The following TMPRSS6 variants were observed in gnomAD, a reference collection of about 807,000 sequenced individuals.
The protein encoded by TMPRSS6 is transmembrane protease serine 6.
In TMPRSS6, 67 loss-of-function variants were observed where a neutral mutation model predicts 101.5. That is an observed-to-expected ratio of 0.66 (90% CI 0.54 to 0.81). The LOEUF is 0.81. TMPRSS6 is among the 30% of genes least tolerant of loss of function. The pLI, the probability that TMPRSS6 is intolerant of heterozygous loss-of-function variation, is 0.00. For missense variants in TMPRSS6, 1,034 were observed against 1,088.7 expected (o/e 0.95, Z 0.71); for synonymous variants, 453 against 464.9 (o/e 0.97, Z 0.33).
At chr22:37,094,816 G>A (rs1469871874) in intron 6 of TMPRSS6, among the ~76,000 whole-genome samples, 1 of 152,200 alleles carries the variant, frequency 6.6e-6, no homozygotes, top group Non-Finnish European at 1.5e-5. Context: ...TCCCTGAGAA[G>A]GGGTTGAGAC....
At position 37,108,736 on chromosome 22, in the gene TMPRSS6, T is replaced by C. The variant is rs1422000811; in HGVS notation, c.-2+767A>G. Among the ~76,000 whole-genome samples the C allele has an allele frequency of 2.0e-5, 3 of 152,244 alleles. No homozygotes were observed. The East Asian group carries it at 5.8e-4, about 29-fold the overall frequency. ...TACTTTGCTGACTCTATTTAATGGC[T>C]GGGGAAACTGAGGTAGAGAGAGGTA... is the stretch of plus-strand genomic sequence containing the variant. On this transcript the variant is annotated intron_variant, in intron 1 of 17. Coordinates refer to ENST00000676104, the MANE Select transcript of TMPRSS6 (RefSeq NM_001374504.1).
chr22:37,094,982 CTG>C (rs1384446690), intron 6 of TMPRSS6, among the ~76,000 whole-genome samples: 1 of 152,158 alleles, frequency 6.6e-6, no homozygotes, highest in African/African-American at 2.4e-5. Flanking sequence ...AGCGTGGTGA[CTG>C]TGCTGGTCAG....
chr22:37,097,034 A>C (rs926534488), intron 3 of TMPRSS6, among the ~76,000 whole-genome samples: 3 of 151,840 alleles, frequency 2.0e-5, no homozygotes, highest in Non-Finnish European at 4.4e-5. Flanking sequence ...TCCCCTCTGC[A>C]CCTCCTCCCA....
chr22:37,071,320 A>C (rs1926882801), intron 13 of TMPRSS6, among the ~76,000 whole-genome samples: 1 of 152,074 alleles, frequency 6.6e-6, no homozygotes, highest in Admixed American at 6.5e-5. Flanking sequence ...ACTTGAAGGC[A>C]GAACTGTGCC....
At position 37,075,386 on chromosome 22, in the gene TMPRSS6, C is replaced by T. The variant is rs1007296093; in HGVS notation, c.1197-106G>A. On this transcript the variant is annotated intron_variant, in intron 10 of 17. Coordinates refer to ENST00000676104, the MANE Select transcript of TMPRSS6 (RefSeq NM_001374504.1). ...CCAGAGGGGCAGGGGGAGCTGCACG[C>T]CCGCTGTGCCTCCTCTGCCCTGATT... 2.8e-6 allele frequency: 4 copies of T among 1,448,634 alleles called. No homozygotes were observed. In the African/African-American group the frequency reaches 5.6e-5, roughly 20 times the overall value. 89.7% of individuals were successfully genotyped at this position (1,448,634 alleles called of 1,614,324 possible). A position where few individuals can be genotyped will look rare whatever the true frequency, so the allele number is the denominator to read the frequency against.
intron 2 of TMPRSS6, among the ~76,000 whole-genome samples, chr22:37,098,995 C>G (rs912485628): frequency 3.9e-5 from 6 of 152,244 alleles, no homozygotes; most frequent in African/African-American, 1.4e-4. Context: ...TTAACCAAGA[C>G]AGATGTGCCT....
chr22:37,101,887 C>G lies in TMPRSS6; in HGVS notation c.202+1329G>C, dbSNP rs1930343449. ...GGAGGCCCCCACAGCCCTGTGCTATCTGGGGCACTGGCTTCCTGCTGGTGG... is the reference window on the plus strand; with the variant it reads ...GGAGGCCCCCACAGCCCTGTGCTATGTGGGGCACTGGCTTCCTGCTGGTGG... On this transcript the variant is annotated intron_variant, in intron 2 of 17. Transcript: ENST00000676104. The surrounding 1 kb of genome is among the most constrained non-coding windows in gnomAD (Gnocchi z 4.1). Among the ~76,000 whole-genome samples the G allele has an allele frequency of 6.6e-6, 1 of 152,206 alleles. No individual in the cohort carries two copies. Among genetic ancestry groups the G allele is most frequent in the African/African-American group, 2.4e-5 (1 of 41,424 alleles).
intron 9 of TMPRSS6, 130 bp downstream of exon 9, chr22:37,084,597 T>G (rs1928544145): frequency 2.3e-6 from 2 of 876,864 alleles, no homozygotes; most frequent in African/African-American, 1.7e-5. Context: ...CCTGGCAGGA[T>G]GTGTACCCAG....
chr22:37,080,624 G>A (rs986154491), intron 10 of TMPRSS6, among the ~76,000 whole-genome samples: 3 of 152,264 alleles, frequency 2.0e-5, no homozygotes, highest in Non-Finnish European at 2.9e-5. Context: ...GGCCCAGTGC[G>A]GATGGTTTGC....
chr22:37,087,558 G>A (rs535537847), intron 7 of TMPRSS6, among the ~76,000 whole-genome samples: 1 of 152,184 alleles, frequency 6.6e-6, no homozygotes, highest in African/African-American at 2.4e-5. Flanking sequence ...GCCAGGGGAG[G>A]GAGGTGGCCT....
rs80173720 is a variant in TMPRSS6 at position 37,098,244 on chromosome 22, A to G, written c.336+172T>C. On this transcript the variant is annotated intron_variant, in intron 3 of 17. Coordinates refer to ENST00000676104, the MANE Select transcript of TMPRSS6 (RefSeq NM_001374504.1). Reference sequence around the variant, plus strand: ...CCGAGTGCTATTGACCCAAACATCCACTAACTTTCCCATGACCCTCAACCT... The same window carrying G: ...CCGAGTGCTATTGACCCAAACATCCGCTAACTTTCCCATGACCCTCAACCT... Among the ~76,000 whole-genome samples, 303 of 152,202 alleles carry G rather than the reference A, an allele frequency of 2.0e-3. 1 individual carries two copies. Among genetic ancestry groups the G allele is most frequent in the African/African-American group, 7.0e-3 (290 of 41,486 alleles).
chr22:37,092,516 T>TA (rs1342536926), intron 6 of TMPRSS6, among the ~76,000 whole-genome samples: 2 of 150,904 alleles, frequency 1.3e-5, no homozygotes, highest in Non-Finnish European at 3.0e-5. Flanking sequence ...ATTTTTTTTT[T>TA]AATGGAATTT....
At chr22:37,075,996 AAAGG>A in intron 10 of TMPRSS6, among the ~76,000 whole-genome samples, 2 of 149,458 alleles carry the variant, frequency 1.3e-5, no homozygotes, top group African/African-American at 5.1e-5. Flanking sequence ...AAAGAGAAAG[AAAGG>A]AAGAAAGAAA....
At chr22:37,073,354 G>A (rs1409427882) in intron 13 of TMPRSS6, among the ~76,000 whole-genome samples, 178 bp downstream of exon 13, 1 of 143,934 alleles carries the variant, frequency 6.9e-6, no homozygotes, top group Non-Finnish European at 1.5e-5. Flanking sequence ...GAAGATGGAT[G>A]GATGGATGGA....
In TMPRSS6 at chr22:37,089,716, G is replaced by T; in HGVS notation, c.698C>A (p.Ala233Asp). Residue 233 changes from alanine to aspartate, a missense_variant, in exon 7 of 18, where the codon GCC (alanine) becomes GAC (aspartate). Ala to Asp is a moderately radical substitution (Grantham distance 126). Transcript: ENST00000676104. ...VLRLKGPDHL[A>D]SSCLWHLQGP... ...CTGCAGGTGCCACAGGCAGCTGGAG[G>T]CCAGGTGGTCAGGCCCCTTCAGCCG... 1 of 1,612,124 alleles carries T rather than the reference G, an allele frequency of 6.2e-7. No individual in the cohort carries two copies. The highest frequency in any genetic ancestry group is 2.2e-5 in the East Asian group (1 of 44,862).
intron 12 of TMPRSS6, 108 bp from the exon 13 acceptor site, chr22:37,073,753 A>C: frequency 1.3e-6 from 1 of 778,334 alleles, no homozygotes. Flanking sequence ...CCAATCACAA[A>C]TCTCTTTCTC....
chr22:37,073,711 T>C, intron 12 of TMPRSS6, 66 bp from the exon 13 acceptor site: 2 of 1,008,326 alleles, frequency 2.0e-6, no homozygotes, highest in Non-Finnish European at 3.2e-6. Flanking sequence ...GGCTTGGCGA[T>C]GCCTGTAGAA....
Position 37,070,925 on chromosome 22 carries a change from C to T in TMPRSS6, c.1663G>A (p.Glu555Lys), listed in dbSNP as rs371453152. The change falls in exon 14 of 18, where the codon GAG (glutamate) becomes AAG (lysine). Residue 555 changes from glutamate (E) to lysine (K), a missense_variant. Transcript: ENST00000676104. ...GCCAGGCAGGGCTCACCACAGTGCT[C>T]CTCATCCGAGCCGTCCCTGCAGTCG... ...RPDCRDGSDEEHCDCGLQGPS... is the reference protein window; with the variant it reads ...RPDCRDGSDEKHCDCGLQGPS... 3.1e-6 allele frequency: 5 copies of T among 1,613,108 alleles called. No individual in the cohort carries two copies. Among genetic ancestry groups the T allele is most frequent in the Non-Finnish European group, 4.2e-6 (5 of 1,179,990 alleles).
intron 16 of TMPRSS6, 92 bp from the exon 17 acceptor site, chr22:37,067,054 GC>G: frequency 6.3e-7 from 1 of 1,580,598 alleles, no homozygotes; most frequent in Non-Finnish European, 8.6e-7. Context: ...CATCTCAGGA[GC>G]CTACTTCTCT....
Sources: allele counts gnomAD v4.1 joint callset (sites outside exome capture counted in the v4.1 genomes callset), GRCh38; gene constraint gnomAD v4.1.1; non-coding constraint Gnocchi (gnomAD v3.1); transcripts MANE v1.5; gene names NCBI Gene and HGNC (gene_info 2026-07-23, HGNC 2026-07-21).